Variants in PLCB1 observed in about 807,000 individuals in gnomAD.
The protein encoded by PLCB1 is phospholipase C beta 1, also known as 1-phosphatidylinositol 4,5-bisphosphate phosphodiesterase beta-1.
PLCB1 carries 46 observed loss-of-function variants against 161.8 expected under a neutral mutation model. That is an observed-to-expected ratio of 0.28 (90% CI 0.22 to 0.36). The LOEUF (loss-of-function observed/expected upper bound fraction) is 0.36. Among genes scored for constraint, PLCB1 ranks in the 10% least tolerant of loss-of-function variants. The pLI is 1.00. For synonymous variants in PLCB1, 517 were observed against 503.7 expected, an observed-to-expected ratio of 1.03 and a Z score of -0.35; for missense variants, 1,016 against 1,472.5, an observed-to-expected ratio of 0.69 and a Z score of 5.07.
At chr20:8,211,876 C>A (rs559391893) in intron 2 of PLCB1, among the ~76,000 whole-genome samples, 14 of 152,180 alleles carry the variant, frequency 9.2e-5, no homozygotes, top group African/African-American at 3.4e-4. Flanking sequence ...TAAAAATCTG[C>A]TTTCTAGGTC....
intron 31 of PLCB1, among the ~76,000 whole-genome samples, chr20:8,799,049 G>T (rs1295202022): frequency 6.6e-6 from 1 of 152,136 alleles, no homozygotes; most frequent in Non-Finnish European, 1.5e-5. Context: ...GGCCCCATAA[G>T]GTAACTGAGT....
chr20:8,470,623 C>T (rs942124673), intron 3 of PLCB1, among the ~76,000 whole-genome samples: 1 of 152,146 alleles, frequency 6.6e-6, no homozygotes, highest in African/African-American at 2.4e-5. Flanking sequence ...CAGCTCACTG[C>T]AGCCTTGACT....
At chr20:8,166,751 T>G (rs1038949874) in intron 2 of PLCB1, among the ~76,000 whole-genome samples, 1 of 152,158 alleles carries the variant, frequency 6.6e-6, no homozygotes, top group African/African-American at 2.4e-5. Context: ...CTCCAAGTTC[T>G]TGGCCCCTTT....
At position 8,647,505 on chromosome 20, in the gene PLCB1, C is replaced by G. The variant is rs115918480; in HGVS notation, c.465-395C>G. Among the ~76,000 whole-genome samples, 308 of 152,312 alleles carry G rather than the reference C, an allele frequency of 2.0e-3. 3 individuals are homozygous for G. The highest frequency in any genetic ancestry group is 7.1e-3 in the African/African-American group (296 of 41,564). On this transcript the variant is annotated intron_variant, in intron 5 of 31. Transcript: ENST00000338037. ...AATTCCCAATGTATGCATCCATCAA[C>G]AGTGACCTAGAGTTCTCATTCTGAG...
At chr20:8,607,791 A>T (rs1418197945) in intron 3 of PLCB1, among the ~76,000 whole-genome samples, 1 of 152,200 alleles carries the variant, frequency 6.6e-6, no homozygotes, top group Non-Finnish European at 1.5e-5. Context: ...TTAAATATGT[A>T]TTGCATGAAT....
At chr20:8,607,450 C>T (rs577086332) in intron 3 of PLCB1, among the ~76,000 whole-genome samples, 1 of 152,346 alleles carries the variant, frequency 6.6e-6, no homozygotes, top group South Asian at 2.1e-4. Context: ...TTTGCCCCAA[C>T]CACCTCATCA....
Position 8,229,226 on chromosome 20 carries a change from T to G in PLCB1, c.177+78855T>G, listed in dbSNP as rs1479040537. ...TATAAAACATAATACACATGAATTA[T>G]TAGAACAATTAAATGAGAAAAACCC... On this transcript the variant is annotated intron_variant, in intron 2 of 31. Transcript: ENST00000338037. 2.6e-5 allele frequency among the ~76,000 whole-genome samples: 4 copies of G among 152,012 alleles called. No homozygotes were observed. In the East Asian group the frequency reaches 5.8e-4, roughly 22 times the overall value.
At chr20:8,244,993 G>GTATGACAAGTAATATTTTTAT (rs1980808762) in intron 2 of PLCB1, among the ~76,000 whole-genome samples, 1 of 151,650 alleles carries the variant, frequency 6.6e-6, no homozygotes, top group Non-Finnish European at 1.5e-5. Flanking sequence ...AGGGGGGGAT[G>GTATGACAAGTAATATTTTTAT]TATGACAAGT....
chr20:8,672,399 C>CTTTTT (rs11289990), intron 9 of PLCB1, among the ~76,000 whole-genome samples: 2 of 138,560 alleles, frequency 1.4e-5, no homozygotes, highest in Non-Finnish European at 3.1e-5. Context: ...CTGTTATACT[C>CTTTTT]TTTTTTTTTT....
intron 3 of PLCB1, among the ~76,000 whole-genome samples, chr20:8,546,016 A>G (rs540778524): frequency 1.3e-5 from 2 of 152,166 alleles, no homozygotes; most frequent in Non-Finnish European, 2.9e-5. Flanking sequence ...ATTGTTGAAC[A>G]TAAGAAACTG....
chr20:8,508,383 A>T (rs1983732668), intron 3 of PLCB1, among the ~76,000 whole-genome samples: 1 of 152,184 alleles, frequency 6.6e-6, no homozygotes, highest in Non-Finnish European at 1.5e-5. Flanking sequence ...TCAAGGTGTG[A>T]CAGTTACAAG....
chr20:8,460,672 A>T (rs1207384233), intron 3 of PLCB1, among the ~76,000 whole-genome samples: 2 of 152,120 alleles, frequency 1.3e-5, no homozygotes, highest in East Asian at 3.8e-4. Context: ...AAAGTTCCTC[A>T]CTGTTTCCCT....
chr20:8,765,263 C>T lies in PLCB1; in HGVS notation c.2835C>T (p.Ile945=), dbSNP rs1295811581. ...KRHHKKTTDL[I]KEHTTKYNEI... ...ACCACAAGAAAACCACTGACCTTAT[C>T]AAAGAACACACTACCAAGTATAATG... is the stretch of plus-strand genomic sequence containing the variant. Residue 945 remains isoleucine (I), a synonymous_variant, in exon 26 of 32, where the codon ATC becomes ATT. Transcript: ENST00000338037. 6.2e-6 allele frequency: 10 copies of T among 1,613,970 alleles called. No individual in the cohort carries two copies. The highest frequency in any genetic ancestry group is 7.6e-6 in the Non-Finnish European group (9 of 1,179,872).
At chr20:8,537,027 T>G (rs1184899603) in intron 3 of PLCB1, among the ~76,000 whole-genome samples, 1 of 152,114 alleles carries the variant, frequency 6.6e-6, no homozygotes, top group Non-Finnish European at 1.5e-5. Context: ...TTGTTAGCAG[T>G]GGAAGTTATT....
intron 2 of PLCB1, among the ~76,000 whole-genome samples, chr20:8,274,191 A>G (rs993151756): frequency 3.3e-5 from 5 of 152,144 alleles, no homozygotes; most frequent in African/African-American, 1.2e-4. Flanking sequence ...TTGTGTTTGT[A>G]TGTGTGTCAA....
At chr20:8,673,660 T>A (rs911437248) in intron 9 of PLCB1, among the ~76,000 whole-genome samples, 3 of 152,192 alleles carry the variant, frequency 2.0e-5, no homozygotes, top group African/African-American at 7.2e-5. Context: ...TACGGCTGAA[T>A]TTGGAATTGC....
At chr20:8,491,599 C>G (rs952198227) in intron 3 of PLCB1, among the ~76,000 whole-genome samples, 2 of 152,156 alleles carry the variant, frequency 1.3e-5, no homozygotes, top group African/African-American at 4.8e-5. Flanking sequence ...GGTAGTCTTT[C>G]CTCAACCTTG....
intron 15 of PLCB1, among the ~76,000 whole-genome samples, chr20:8,723,176 T>C (rs1979742627): frequency 6.6e-6 from 1 of 152,236 alleles, no homozygotes; most frequent in Non-Finnish European, 1.5e-5. Context: ...TATTTTTTAA[T>C]GTCTAAAGTT....
At chr20:8,413,389 G>C (rs897961921) in intron 3 of PLCB1, among the ~76,000 whole-genome samples, 2 of 152,158 alleles carry the variant, frequency 1.3e-5, no homozygotes, top group African/African-American at 2.4e-5. Context: ...GTGAACATTT[G>C]TACTTAATAA....
Sources: allele counts gnomAD v4.1 joint callset (sites outside exome capture counted in the v4.1 genomes callset), GRCh38; gene constraint gnomAD v4.1.1; transcripts MANE v1.5; gene names NCBI Gene and HGNC (gene_info 2026-07-23, HGNC 2026-07-21).